The following PTPRD variants were observed in gnomAD, a reference collection of about 807,000 sequenced individuals.
The protein encoded by PTPRD is protein tyrosine phosphatase receptor type D, also known as receptor-type tyrosine-protein phosphatase delta.
PTPRD carries 34 observed loss-of-function variants against 214.5 expected under a neutral mutation model. That is an observed-to-expected ratio of 0.16 (90% CI 0.12 to 0.21). The LOEUF (loss-of-function observed/expected upper bound fraction) is 0.21, where lower values mean the gene tolerates loss of function less well. Ranked by LOEUF, PTPRD falls within the 10% of genes least tolerant of loss-of-function variation. The pLI, the probability that PTPRD is intolerant of heterozygous loss-of-function variation, is 1.00. For missense variants in PTPRD, 2,545 were observed against 2,398.7 expected (o/e 1.06, Z -1.27); for synonymous variants, 1,128 against 845.7 (o/e 1.33, Z -5.79).
At chr9:8,487,455 T>A (rs1446432072) in intron 27 of PTPRD, among the ~76,000 whole-genome samples, 1 of 151,916 alleles carries the variant, frequency 6.6e-6, no homozygotes, top group East Asian at 1.9e-4. Flanking sequence ...AAAGGCCAAG[T>A]ATGGTGGCTC....
At chr9:9,113,550 T>A (rs1299773470) in intron 10 of PTPRD, among the ~76,000 whole-genome samples, 1 of 152,008 alleles carries the variant, frequency 6.6e-6, no homozygotes, top group East Asian at 1.9e-4. Context: ...CAAAACATGG[T>A]GAGAAAAGGG....
At chr9:9,565,653 C>A (rs950492156) in intron 8 of PTPRD, among the ~76,000 whole-genome samples, 3 of 151,710 alleles carry the variant, frequency 2.0e-5, no homozygotes, top group African/African-American at 4.8e-5. Context: ...ACTACAGGTA[C>A]CTTTATTTTT....
In PTPRD at chr9:10,605,158, A is replaced by C. The variant is rs565215677; in HGVS notation, c.-600+7240T>G. 2.1e-3 allele frequency among the ~76,000 whole-genome samples: 317 copies of C among 151,932 alleles called. 1 individual carries two copies. Among genetic ancestry groups the C allele is most frequent in the African/African-American group, 7.2e-3 (298 of 41,496 alleles). ...TATTTGATCCAAAGTACACATTATAAGTCCTCTTATAAGAATATCTCACCT... is the reference window on the plus strand; with the variant it reads ...TATTTGATCCAAAGTACACATTATACGTCCTCTTATAAGAATATCTCACCT... On this transcript the variant is annotated intron_variant, in intron 2 of 45. Coordinates refer to ENST00000381196, the MANE Select transcript of PTPRD (RefSeq NM_002839.4).
chr9:8,931,974 T>C (rs1588291606), intron 11 of PTPRD, among the ~76,000 whole-genome samples: 2 of 152,222 alleles, frequency 1.3e-5, no homozygotes, highest in African/African-American at 2.4e-5. Context: ...TATTCTCTGA[T>C]GGTAGTTTGT....
intron 5 of PTPRD, among the ~76,000 whole-genome samples, chr9:9,903,510 C>T (rs911178833): frequency 2.6e-5 from 4 of 152,100 alleles, no homozygotes; most frequent in Non-Finnish European, 5.9e-5. Flanking sequence ...GGGTATTTCT[C>T]ATGAAACAGA....
chr9:8,765,539 T>G (rs1008160251), intron 11 of PTPRD, among the ~76,000 whole-genome samples: 1 of 152,110 alleles, frequency 6.6e-6, no homozygotes, highest in Non-Finnish European at 1.5e-5. Flanking sequence ...AAAAGCCAAG[T>G]AGCAGAGCCT....
In PTPRD at chr9:9,282,017, T is replaced by A. The variant is rs188958912; in HGVS notation, c.-202-98654A>T. On this transcript the variant is annotated intron_variant, in intron 9 of 45. Coordinates refer to ENST00000381196, the MANE Select transcript of PTPRD (RefSeq NM_002839.4). The stretch of plus-strand genomic sequence containing the variant: ...AAAGAAGCCAATCTGAAAAGCTACA[T>A]CCTGAATTATTCCACCTATATAAAT... Among the ~76,000 whole-genome samples, 8 of 151,392 alleles carry A rather than the reference T, an allele frequency of 5.3e-5. No individual in the cohort carries two copies. In the Admixed American group the frequency reaches 5.3e-4, roughly 10 times the overall value.
chr9:10,501,191 C>T (rs1667310773), intron 2 of PTPRD, among the ~76,000 whole-genome samples: 2 of 151,952 alleles, frequency 1.3e-5, no homozygotes, highest in South Asian at 4.1e-4. Context: ...TCTACATCCT[C>T]ATTGGCATTC....
intron 10 of PTPRD, among the ~76,000 whole-genome samples, chr9:9,089,371 T>C (rs750978039): frequency 5.9e-5 from 9 of 152,216 alleles, no homozygotes; most frequent in Non-Finnish European, 1.3e-4. Flanking sequence ...TGACTGCTAC[T>C]ATGGGCACAG....
intron 39 of PTPRD, among the ~76,000 whole-genome samples, chr9:8,362,750 T>C (rs1430011759): frequency 6.6e-6 from 1 of 152,222 alleles, no homozygotes; most frequent in Non-Finnish European, 1.5e-5. Flanking sequence ...AAGATGCCAT[T>C]GGCAAATGAC....
chr9:10,043,643 A>T (rs1025029091), intron 3 of PTPRD, among the ~76,000 whole-genome samples: 7 of 151,822 alleles, frequency 4.6e-5, no homozygotes, highest in African/African-American at 1.7e-4. Context: ...TTATGATGCA[A>T]AAAAGGTGAG....
At chr9:9,624,780 G>C (rs942185417) in intron 7 of PTPRD, among the ~76,000 whole-genome samples, 1 of 151,094 alleles carries the variant, frequency 6.6e-6, no homozygotes, top group African/African-American at 2.4e-5. Flanking sequence ...CAGAGTTCTG[G>C]CCATGTTTCT....
intron 4 of PTPRD, among the ~76,000 whole-genome samples, chr9:9,955,754 A>G (rs2093869393): frequency 6.6e-6 from 1 of 152,020 alleles, no homozygotes; most frequent in Admixed American, 6.6e-5. Context: ...CGATCTCCTG[A>G]CCTCGTGATA....
rs180766882 is a variant in PTPRD, at chr9:9,893,221, G to C, written c.-368+45286C>G. Among the ~76,000 whole-genome samples, 29 of 152,092 alleles carry C rather than the reference G, an allele frequency of 1.9e-4. No homozygotes were observed. In the East Asian group the frequency reaches 5.2e-3, roughly 27 times the overall value. ...CACTACAAAGCAACCACATAAACAA[G>C]TCTGCAAAATAAGCAGCTAGTATCA... On this transcript the variant is annotated intron_variant, in intron 5 of 45. Coordinates refer to ENST00000381196, the MANE Select transcript of PTPRD (RefSeq NM_002839.4).
chr9:8,970,275 A>G (rs1020429054), intron 11 of PTPRD, among the ~76,000 whole-genome samples: 1 of 151,952 alleles, frequency 6.6e-6, no homozygotes, highest in African/African-American at 2.4e-5. Flanking sequence ...TATCATCTGT[A>G]TATCTGCAGA....
chr9:9,086,648 C>A (rs1226657418), intron 10 of PTPRD, among the ~76,000 whole-genome samples: 2 of 152,174 alleles, frequency 1.3e-5, no homozygotes, highest in African/African-American at 4.8e-5. Flanking sequence ...ATATAGGTGG[C>A]TGAATTCTGT....
chr9:9,600,463 G>A (rs1037755613), intron 7 of PTPRD, among the ~76,000 whole-genome samples: 3 of 151,904 alleles, frequency 2.0e-5, no homozygotes, highest in Middle Eastern at 3.2e-3. Context: ...GTACATCATC[G>A]AGAATCAACA....
At chr9:9,960,972 C>A (rs1397050088) in intron 4 of PTPRD, among the ~76,000 whole-genome samples, 28 of 151,652 alleles carry the variant, frequency 1.8e-4, no homozygotes, top group African/African-American at 5.8e-4. Context: ...AAGAAAAAAA[C>A]AAACAACCCC....
At chr9:10,448,858 AC>A (rs2098817295) in intron 2 of PTPRD, among the ~76,000 whole-genome samples, 1 of 152,122 alleles carries the variant, frequency 6.6e-6, no homozygotes, top group Non-Finnish European at 1.5e-5. Flanking sequence ...GGATCCACTT[AC>A]CACATTATTA....
Sources: gnomAD v4.1 joint callset for allele counts (sites outside exome capture counted in the v4.1 genomes callset) on GRCh38, gnomAD v4.1.1 for gene constraint, MANE v1.5 for transcripts, NCBI Gene and HGNC (gene_info 2026-07-23, HGNC 2026-07-21) for gene names.